The following ENOX1 variants were observed in gnomAD, a reference collection of about 807,000 sequenced individuals.
The protein encoded by ENOX1 is ecto-NOX disulfide-thiol exchanger 1.
A neutral mutation model predicts 82.5 loss-of-function variants in ENOX1; 42 were observed. That is an observed-to-expected ratio of 0.51 (90% CI 0.40 to 0.66). The LOEUF (loss-of-function observed/expected upper bound fraction) is 0.66. Among genes scored for constraint, ENOX1 ranks in the 30% least tolerant of loss-of-function variants. The pLI is 0.00. For synonymous variants in ENOX1, 271 were observed against 282.2 expected (o/e 0.96, Z 0.40); for missense variants, 608 against 811.6 (o/e 0.75, Z 3.05).
intron 1 of ENOX1, among the ~76,000 whole-genome samples, chr13:43,708,972 G>A (rs2087506732): frequency 2.6e-5 from 4 of 152,102 alleles, no homozygotes; most frequent in African/African-American, 9.7e-5. Context: ...GCCTGTCTAT[G>A]AGAATTATAG....
chr13:43,363,581 G>C (rs1251128390), intron 5 of ENOX1, among the ~76,000 whole-genome samples: 2 of 152,184 alleles, frequency 1.3e-5, no homozygotes, highest in African/African-American at 2.4e-5. Context: ...TGGCATGCTT[G>C]TGCTTTTATT....
At chr13:43,656,247 T>C (rs987813154) in intron 2 of ENOX1, among the ~76,000 whole-genome samples, 13 of 152,340 alleles carry the variant, frequency 8.5e-5, no homozygotes, top group Admixed American at 5.2e-4. Context: ...TCTCTGCTCC[T>C]TATGGAACAG....
At chr13:43,623,284 C>T (rs865949676) in intron 2 of ENOX1, among the ~76,000 whole-genome samples, 71 of 152,288 alleles carry the variant, frequency 4.7e-4, no homozygotes, top group Non-Finnish European at 9.0e-4. Flanking sequence ...GGCTTCTCAT[C>T]CCGTTCAAAT....
chr13:43,630,294 C>T (rs73184165), intron 2 of ENOX1, among the ~76,000 whole-genome samples: 7,687 of 152,192 alleles, frequency 0.051, 268 homozygotes, highest in Non-Finnish European at 0.079. Flanking sequence ...TATCCACTTT[C>T]GCTGTTTAGT....
At chr13:43,248,827 CT>C (rs568389047) in intron 14 of ENOX1, among the ~76,000 whole-genome samples, 106 of 151,454 alleles carry the variant, frequency 7.0e-4, no homozygotes, top group African/African-American at 2.5e-3. Context: ...ATATAACCCC[CT>C]CCCACATACA....
In ENOX1 at chr13:43,482,845, T is replaced by C. The variant is rs551775572; in HGVS notation, c.-75+1164A>G. On this transcript the variant is annotated intron_variant, in intron 3 of 16. Transcript: ENST00000690772. ...ATACAGTTATTAGGTTCCAGCACAC[T>C]GTGATATCCTACTGAATTGACAGGC... 1.6e-4 allele frequency among the ~76,000 whole-genome samples: 25 copies of C among 152,222 alleles called. 2 individuals carry two copies. In the South Asian group the frequency reaches 5.0e-3, roughly 30 times the overall value.
chr13:43,653,523 G>A (rs2153778871), intron 2 of ENOX1, among the ~76,000 whole-genome samples: 1 of 152,152 alleles, frequency 6.6e-6, no homozygotes, highest in African/African-American at 2.4e-5. Flanking sequence ...TATGTTCTTG[G>A]CACATAGTAT....
At chr13:43,475,310 G>A (rs1566321844) in intron 3 of ENOX1, among the ~76,000 whole-genome samples, 1 of 152,164 alleles carries the variant, frequency 6.6e-6, no homozygotes. Flanking sequence ...CCTAAGCAGT[G>A]TGGAGATGGC....
intron 14 of ENOX1, among the ~76,000 whole-genome samples, chr13:43,264,563 G>T (rs2044260361): frequency 1.3e-5 from 2 of 152,150 alleles, no homozygotes. Context: ...ATTAAAACAA[G>T]AGTGAACAAG....
At chr13:43,709,569 ACATT>A (rs1220067227) in intron 1 of ENOX1, among the ~76,000 whole-genome samples, 1 of 151,998 alleles carries the variant, frequency 6.6e-6, no homozygotes, top group Admixed American at 6.6e-5. Flanking sequence ...AATGTGAAAA[ACATT>A]CATGAAGGAG....
At chr13:43,295,715 T>G (rs2046248613) in intron 12 of ENOX1, among the ~76,000 whole-genome samples, 1 of 152,202 alleles carries the variant, frequency 6.6e-6, no homozygotes, top group African/African-American at 2.4e-5. Context: ...ATACAGTGGA[T>G]AGTGTGGAGA....
At chr13:43,367,969 T>C (rs562241599) in intron 5 of ENOX1, among the ~76,000 whole-genome samples, 1 of 152,218 alleles carries the variant, frequency 6.6e-6, no homozygotes, top group Non-Finnish European at 1.5e-5. Flanking sequence ...GGTTTTCCCT[T>C]TGTGAAATAA....
intron 2 of ENOX1, among the ~76,000 whole-genome samples, chr13:43,555,615 C>A (rs2153702088): frequency 6.6e-6 from 1 of 152,306 alleles, no homozygotes; most frequent in South Asian, 2.1e-4. Context: ...ATCATCACAT[C>A]AAAGCCCCGA....
intron 5 of ENOX1, among the ~76,000 whole-genome samples, chr13:43,372,798 T>C (rs537013462): frequency 6.6e-6 from 1 of 152,126 alleles, no homozygotes; most frequent in South Asian, 2.1e-4. Flanking sequence ...GAGTAGAGAT[T>C]AGAAATAAAA....
intron 2 of ENOX1, among the ~76,000 whole-genome samples, chr13:43,503,835 T>C (rs143704996): frequency 2.0e-5 from 3 of 151,764 alleles, no homozygotes; most frequent in South Asian, 2.1e-4. Flanking sequence ...GAGCAAGCAA[T>C]AGATATGTGG....
intron 2 of ENOX1, among the ~76,000 whole-genome samples, chr13:43,563,567 C>G (rs577321619): frequency 9.2e-5 from 14 of 151,956 alleles, no homozygotes; most frequent in Admixed American, 8.5e-4. Context: ...GAAGACAATA[C>G]AAATGACTGA....
intron 1 of ENOX1, among the ~76,000 whole-genome samples, chr13:43,694,473 G>A (rs1207442684): frequency 6.6e-6 from 1 of 152,182 alleles, no homozygotes; most frequent in African/African-American, 2.4e-5. Context: ...CTCACACAAT[G>A]CAATTCACAC....
intron 14 of ENOX1, among the ~76,000 whole-genome samples, chr13:43,239,340 G>A (rs1445691797): frequency 6.6e-6 from 1 of 152,120 alleles, no homozygotes; most frequent in Non-Finnish European, 1.5e-5. Context: ...AGCTTTTGGG[G>A]ACATCTGTGA....
chr13:43,314,976 A>G (rs1229105004), intron 11 of ENOX1, among the ~76,000 whole-genome samples: 3 of 152,192 alleles, frequency 2.0e-5, no homozygotes, highest in African/African-American at 7.2e-5. Context: ...TTTCTATTCC[A>G]TTAATATATA....
Sources: gnomAD v4.1 joint callset for allele counts (sites outside exome capture counted in the v4.1 genomes callset) on GRCh38, gnomAD v4.1.1 for gene constraint, MANE v1.5 for transcripts, NCBI Gene and HGNC (gene_info 2026-07-23, HGNC 2026-07-21) for gene names.